The following MAPK10 variants were observed in gnomAD, a reference collection of about 807,000 sequenced individuals.
MAPK10 encodes JNK3 alpha protein kinase.
Under a neutral mutation model 59.3 loss-of-function variants are expected in MAPK10, and 25 were observed. The observed-to-expected ratio is 0.42, with a 90% confidence interval of 0.31 to 0.59. The LOEUF (loss-of-function observed/expected upper bound fraction) is 0.59, where lower values mean the gene tolerates loss of function less well. MAPK10 is among the 20% of genes least tolerant of loss of function. The pLI is 0.15. For synonymous variants in MAPK10, 190 were observed against 200.5 expected, an observed-to-expected ratio of 0.95 and a Z score of 0.44; for missense variants, 351 against 568.9, an observed-to-expected ratio of 0.62 and a Z score of 3.90.
chr4:86,113,281 G>A (rs142692728), intron 4 of MAPK10, among the ~76,000 whole-genome samples: 5 of 152,146 alleles, frequency 3.3e-5, no homozygotes, highest in African/African-American at 9.6e-5. Flanking sequence ...TTATTTTGCA[G>A]GCTTGTTAAT....
intron 1 of MAPK10, among the ~76,000 whole-genome samples, chr4:86,444,434 A>T (rs1749770683): frequency 6.6e-6 from 1 of 152,200 alleles, no homozygotes; most frequent in Non-Finnish European, 1.5e-5. Flanking sequence ...TGGATTAAAG[A>T]CTTAAATGTA....
chr4:86,107,067 C>T, intron 5 of MAPK10, 156 bp downstream of exon 5: 1 of 550,008 alleles, frequency 1.8e-6, no homozygotes. Flanking sequence ...ACCATGAGGA[C>T]AATGAAATCG....
intron 11 of MAPK10, among the ~76,000 whole-genome samples, chr4:86,051,658 T>C (rs1290571882): frequency 6.6e-6 from 1 of 152,228 alleles, no homozygotes; most frequent in African/African-American, 2.4e-5. Context: ...TTTCTGATTA[T>C]TTTCCTTTCT....
chr4:86,323,305 C>A (rs1329388181), intron 2 of MAPK10, among the ~76,000 whole-genome samples: 1 of 152,168 alleles, frequency 6.6e-6, no homozygotes, highest in Non-Finnish European at 1.5e-5. Context: ...TGTGTCATCT[C>A]GAAGTCTCTA....
intron 1 of MAPK10, among the ~76,000 whole-genome samples, chr4:86,483,127 C>T (rs1167417148): frequency 1.3e-5 from 2 of 152,214 alleles, no homozygotes; most frequent in African/African-American, 4.8e-5. Flanking sequence ...GCTGCCAGCA[C>T]TGAATCTTTG....
At chr4:86,206,445 T>C (rs1174555115) in intron 2 of MAPK10, among the ~76,000 whole-genome samples, 2 of 152,028 alleles carry the variant, frequency 1.3e-5, no homozygotes, top group Admixed American at 6.5e-5. Flanking sequence ...CAGTCTATCA[T>C]TGTTGGACAT....
rs376583658 is a variant in MAPK10, at chr4:86,375,073, G to A, written c.-121-20429C>T. On this transcript the variant is annotated intron_variant, in intron 1 of 13. Coordinates refer to the MAPK10 transcript ENST00000361569. ...ACACAGACATGAATGATTATAATGC[G>A]AGGGATTTTTAAATTGCTAAATCAT... 1.4e-4 allele frequency among the ~76,000 whole-genome samples: 22 copies of A among 152,274 alleles called. No individual in the cohort carries two copies. The South Asian group carries it at 3.3e-3, about 23-fold the overall frequency.
At chr4:86,232,638 G>T (rs950070984) in intron 2 of MAPK10, among the ~76,000 whole-genome samples, 1 of 151,818 alleles carries the variant, frequency 6.6e-6, no homozygotes, top group South Asian at 2.1e-4. Flanking sequence ...CTCCCAAAGT[G>T]CTGGGATTAC....
intron 1 of MAPK10, among the ~76,000 whole-genome samples, chr4:86,378,339 C>T (rs1578984389): frequency 6.6e-6 from 1 of 152,296 alleles, no homozygotes; most frequent in African/African-American, 2.4e-5. Flanking sequence ...GTCTGCAACT[C>T]TCTTCCTTAA....
rs1428486639 is a variant in MAPK10 at position 86,194,423 on chromosome 4, A to G, written c.-6-16T>C. The stretch of plus-strand genomic sequence containing the variant: ...TCATAAATACCTAGAGGAAAAAGAA[A>G]TGGAGCATAAATTTTCAAATCACTA... On this transcript the variant is annotated splice_polypyrimidine_tract_variant and intron_variant, in intron 2 of 13. Coordinates refer to ENST00000641462, the MANE Select transcript of MAPK10 (RefSeq NM_138982.4). The G allele has an allele frequency of 7.0e-7, 1 of 1,429,708 alleles. No individual in the cohort carries two copies. The highest frequency in any genetic ancestry group is 1.4e-5 in the African/African-American group (1 of 71,260). 88.6% of individuals were successfully genotyped at this position (1,429,708 alleles called of 1,614,324 possible).
chr4:86,260,716 T>C (rs1415496198), intron 2 of MAPK10, among the ~76,000 whole-genome samples: 1 of 152,114 alleles, frequency 6.6e-6, no homozygotes, highest in African/African-American at 2.4e-5. Flanking sequence ...GAAAATAAAA[T>C]TATAGGGAAG....
intron 9 of MAPK10, chr4:86,089,130 C>A: frequency 2.8e-6 from 3 of 1,068,108 alleles, no homozygotes; most frequent in South Asian, 1.4e-5. Flanking sequence ...ATACCATAAG[C>A]AGTACTGCAT....
At chr4:86,344,061 C>G (rs1726685955) in intron 2 of MAPK10, among the ~76,000 whole-genome samples, 1 of 152,180 alleles carries the variant, frequency 6.6e-6, no homozygotes, top group Non-Finnish European at 1.5e-5. Context: ...GATCATGAGA[C>G]TAAAACATTT....
chr4:86,453,931 A>T (rs1367982411), upstream of MAPK10, among the ~76,000 whole-genome samples: 2 of 152,218 alleles, frequency 1.3e-5, no homozygotes, highest in African/African-American at 4.8e-5. Flanking sequence ...GATGGTTCAC[A>T]TCACAGGACT....
intron 1 of MAPK10, among the ~76,000 whole-genome samples, chr4:86,564,284 G>A (rs939786460): frequency 6.6e-6 from 1 of 152,160 alleles, no homozygotes; most frequent in Non-Finnish European, 1.5e-5. Flanking sequence ...GCTTTGCCTA[G>A]GTTTGTATAG....
intron 4 of MAPK10, among the ~76,000 whole-genome samples, chr4:86,143,932 G>A (rs1238926915): frequency 2.0e-5 from 3 of 152,296 alleles, no homozygotes; most frequent in East Asian, 3.9e-4. Context: ...TGATAACCAA[G>A]TAGAATAGTT....
intron 5 of MAPK10, among the ~76,000 whole-genome samples, chr4:86,106,019 C>T (rs1040207286): frequency 6.6e-6 from 1 of 152,156 alleles, no homozygotes; most frequent in Admixed American, 6.6e-5. Context: ...TAGAGCATAA[C>T]TCCACATGGG....
At chr4:86,332,198 T>C (rs1330295851) in intron 2 of MAPK10, among the ~76,000 whole-genome samples, 5 of 152,150 alleles carry the variant, frequency 3.3e-5, no homozygotes, top group Non-Finnish European at 7.4e-5. Flanking sequence ...AAACAATAAA[T>C]TATATTTAAA....
chr4:86,151,920 G>C (rs1203822908), intron 4 of MAPK10: 1 of 152,110 alleles, frequency 6.6e-6, no homozygotes, highest in Non-Finnish European at 1.5e-5. Flanking sequence ...TTATATTTTT[G>C]CTAGTTAAAC....
Sources: allele counts gnomAD v4.1 joint callset (sites outside exome capture counted in the v4.1 genomes callset), GRCh38; gene constraint gnomAD v4.1.1; transcripts MANE v1.5; gene names NCBI Gene and HGNC (gene_info 2026-07-23, HGNC 2026-07-21).